CSMD3: variants seen among roughly 807,000 people sequenced by gnomAD.
CSMD3 encodes the protein CUB and sushi domain-containing protein 3.
Under a neutral mutation model 435.2 loss-of-function variants are expected in CSMD3, and 177 were observed. The observed-to-expected ratio is 0.41, with a 90% CI of 0.36 to 0.46. The LOEUF (loss-of-function observed/expected upper bound fraction) is 0.46. Ranked by LOEUF, CSMD3 falls within the 20% of genes least tolerant of loss-of-function variation. The pLI is 0.34. For synonymous variants in CSMD3, 1,656 were observed against 1,520.5 expected, an observed-to-expected ratio of 1.09 and a Z score of -2.07; for missense variants, 4,265 against 4,504.6, an observed-to-expected ratio of 0.95 and a Z score of 1.52.
intron 28 of CSMD3, among the ~76,000 whole-genome samples, chr8:112,515,147 C>T (rs1362174600): frequency 6.6e-6 from 1 of 151,872 alleles, no homozygotes; most frequent in Non-Finnish European, 1.5e-5. Context: ...ATCTTTTGCA[C>T]CTTGGATTTT....
intron 3 of CSMD3, among the ~76,000 whole-genome samples, chr8:113,235,233 G>T (rs756969232): frequency 6.6e-6 from 1 of 152,050 alleles, no homozygotes; most frequent in Admixed American, 6.6e-5. Context: ...GAAAGCTCTA[G>T]GAACAGTTTA....
chr8:113,299,408 A>G (rs995481175), intron 2 of CSMD3, among the ~76,000 whole-genome samples: 2 of 152,120 alleles, frequency 1.3e-5, no homozygotes, highest in African/African-American at 4.8e-5. Context: ...CTAAGTAGTC[A>G]ATGGGGGTTG....
intron 22 of CSMD3, among the ~76,000 whole-genome samples, chr8:112,629,424 TA>T (rs1346249134): frequency 6.6e-6 from 1 of 152,132 alleles, no homozygotes; most frequent in African/African-American, 2.4e-5. Context: ...ACTGTACTTT[TA>T]AACCCATATT....
rs144660543 is a variant in CSMD3, at chr8:112,363,633, C to A, written c.6137-11099G>T. Among the ~76,000 whole-genome samples the A allele has an allele frequency of 1.1e-4, 17 of 151,994 alleles. No homozygotes were observed. The East Asian group carries it at 3.3e-3, about 29-fold the overall frequency. ...ACAAAAACACAATGTTTACAAAATT[C>A]AGAAACCTAGATTAGGCTAAAACTA... On this transcript the variant is annotated intron_variant, in intron 38 of 70. Transcript: ENST00000297405.
intron 4 of CSMD3, among the ~76,000 whole-genome samples, chr8:113,148,221 T>G (rs1329994992): frequency 6.6e-6 from 1 of 151,698 alleles, no homozygotes; most frequent in Admixed American, 6.6e-5. Context: ...ACCAAATAAT[T>G]TTCATCTTAT....
chr8:113,023,807 T>C (rs1238064998), intron 5 of CSMD3, among the ~76,000 whole-genome samples: 1 of 152,128 alleles, frequency 6.6e-6, no homozygotes, highest in East Asian at 1.9e-4. Flanking sequence ...CACATAACAA[T>C]TGCACATACT....
chr8:112,291,794 A>C lies in CSMD3; in HGVS notation c.8789-99T>G. 7.7e-6 allele frequency: 6 copies of C among 780,602 alleles called. No homozygotes were observed. In the South Asian group the frequency reaches 1.0e-4, roughly 13 times the overall value. The allele number at this position is 780,602 out of a possible 1,614,324, so 48.4% of individuals were successfully genotyped here. A position where few individuals can be genotyped will look rare whatever the true frequency, so the allele number is the denominator to read the frequency against. On this transcript the variant is annotated intron_variant, in intron 55 of 70. Coordinates refer to ENST00000297405, the MANE Select transcript of CSMD3 (RefSeq NM_198123.2). ...TGTACATACTTAGTTTCAAAAGTAA[A>C]TTTATTCAAACAACCAGATTCCAAT...
intron 5 of CSMD3, among the ~76,000 whole-genome samples, chr8:113,056,588 T>C (rs2088350953): frequency 6.6e-6 from 1 of 152,188 alleles, no homozygotes; most frequent in African/African-American, 2.4e-5. Flanking sequence ...CACCAATTGG[T>C]TGAACATTCA....
At chr8:112,549,946 T>TA (rs1318831036) in intron 27 of CSMD3, among the ~76,000 whole-genome samples, 7 of 151,998 alleles carry the variant, frequency 4.6e-5, no homozygotes, top group South Asian at 4.1e-4. Context: ...ACTATACAGA[T>TA]AAAAAATCTA....
At chr8:112,696,957 CA>C (rs2076271116) in intron 13 of CSMD3, among the ~76,000 whole-genome samples, 1 of 152,060 alleles carries the variant, frequency 6.6e-6, no homozygotes, top group South Asian at 2.1e-4. Context: ...TTTATGCAGC[CA>C]ACAAACACAT....
chr8:112,749,574 AT>A (rs577417892), intron 13 of CSMD3, among the ~76,000 whole-genome samples: 68 of 152,266 alleles, frequency 4.5e-4, no homozygotes, highest in African/African-American at 1.3e-3. Context: ...ACCCAAAAAA[AT>A]ATTTTAAAAT....
At chr8:112,943,037 C>T (rs867444699) in intron 9 of CSMD3, among the ~76,000 whole-genome samples, 5 of 151,436 alleles carry the variant, frequency 3.3e-5, no homozygotes, top group African/African-American at 9.7e-5. Context: ...GCTATGTAAT[C>T]GTATCTGGTA....
At position 112,408,427 on chromosome 8, in the gene CSMD3, C is replaced by G. The variant is rs375339400; in HGVS notation, c.5510-14G>C. The stretch of plus-strand genomic sequence containing the variant: ...GAAGTGATTCTCCTACTCAACAAAA[C>G]AAACACTAAGATATCATAAATAATT... On this transcript the variant is annotated splice_polypyrimidine_tract_variant and intron_variant, in intron 33 of 70. Coordinates refer to ENST00000297405, the MANE Select transcript of CSMD3 (RefSeq NM_198123.2). 7.6e-6 allele frequency: 11 copies of G among 1,453,452 alleles called. No individual in the cohort carries two copies. Among genetic ancestry groups the G allele is most frequent in the Non-Finnish European group, 1.1e-5 (11 of 1,034,538 alleles). The allele number at this position is 1,453,452 out of a possible 1,614,324, so 90.0% of individuals were successfully genotyped here.
intron 5 of CSMD3, among the ~76,000 whole-genome samples, chr8:113,074,280 C>T (rs959336459): frequency 2.6e-5 from 4 of 151,616 alleles, no homozygotes; most frequent in African/African-American, 9.7e-5. Context: ...AATTGTAATG[C>T]ATTATTAATT....
chr8:113,433,100 G>C (rs551403826), intron 1 of CSMD3, among the ~76,000 whole-genome samples: 99 of 152,288 alleles, frequency 6.5e-4, no homozygotes, highest in African/African-American at 2.2e-3. Flanking sequence ...GCAGGAGGGG[G>C]CCCTGACTCA....
At chr8:113,431,884 T>C (rs2094675920) in intron 1 of CSMD3, among the ~76,000 whole-genome samples, 1 of 152,186 alleles carries the variant, frequency 6.6e-6, no homozygotes, top group South Asian at 2.1e-4. Context: ...CACCAAATTT[T>C]GTGTTTAGGG....
intron 2 of CSMD3, among the ~76,000 whole-genome samples, chr8:113,298,334 T>C (rs147039323): frequency 2.2e-3 from 341 of 152,212 alleles, no homozygotes; most frequent in African/African-American, 7.6e-3. Context: ...TTTTCTAAAA[T>C]AACAAGACAT....
chr8:112,594,866 C>T (rs936315216), intron 22 of CSMD3, among the ~76,000 whole-genome samples: 2 of 151,654 alleles, frequency 1.3e-5, no homozygotes, highest in African/African-American at 4.8e-5. Context: ...CCCATCTGTA[C>T]ATCACCATCA....
intron 58 of CSMD3, 109 bp from the exon 59 acceptor site, chr8:112,281,459 A>T: frequency 1.2e-6 from 1 of 868,568 alleles, no homozygotes; most frequent in Non-Finnish European, 1.9e-6. Context: ...AAGCAATAAA[A>T]ACTTCTAAAA....
Sources: allele counts gnomAD v4.1 joint callset (sites outside exome capture counted in the v4.1 genomes callset), GRCh38; gene constraint gnomAD v4.1.1; transcripts MANE v1.5; gene names NCBI Gene and HGNC (gene_info 2026-07-23, HGNC 2026-07-21).